FRS2: variants seen among roughly 807,000 people sequenced by gnomAD.
FRS2 encodes the protein FGFR signalling adaptor.
FRS2 carries 8 observed loss-of-function variants against 43.9 expected under a neutral mutation model. The observed-to-expected ratio is 0.18, with a 90% CI of 0.11 to 0.33. The LOEUF (loss-of-function observed/expected upper bound fraction) is 0.33, where lower values mean the gene tolerates loss of function less well. Among genes scored for constraint, FRS2 ranks in the 10% least tolerant of loss-of-function variants. FRS2 has a pLI of 1.00. For synonymous variants in FRS2, 219 were observed against 220.3 expected, an observed-to-expected ratio of 0.99 and a Z score of 0.05; for missense variants, 534 against 627.6, an observed-to-expected ratio of 0.85 and a Z score of 1.59.
At chr12:69,540,225 C>A (rs1213312443) in intron 3 of FRS2, among the ~76,000 whole-genome samples, 1 of 151,578 alleles carries the variant, frequency 6.6e-6, no homozygotes, top group Non-Finnish European at 1.5e-5. Flanking sequence ...TGCACTCCAG[C>A]CTGGACGACA....
At chr12:69,549,449 A>C (rs1878685046) in intron 3 of FRS2, among the ~76,000 whole-genome samples, 1 of 152,196 alleles carries the variant, frequency 6.6e-6, no homozygotes, top group Admixed American at 6.5e-5. Context: ...AAAAAAGCTC[A>C]AATCATCACG....
chr12:69,498,648 A>C (rs1873144398), intron 1 of FRS2, among the ~76,000 whole-genome samples: 1 of 151,978 alleles, frequency 6.6e-6, no homozygotes, highest in South Asian at 2.1e-4. Flanking sequence ...TGGCCCAGGG[A>C]AGCCAAAAGA....
intron 1 of FRS2, among the ~76,000 whole-genome samples, chr12:69,525,493 A>G (rs1592989763): frequency 6.6e-6 from 1 of 152,204 alleles, no homozygotes; most frequent in African/African-American, 2.4e-5. Context: ...TTTCAAAACC[A>G]TGCAGACCTT....
At chr12:69,551,801 A>G (rs895372266) in intron 3 of FRS2, among the ~76,000 whole-genome samples, 29 of 152,148 alleles carry the variant, frequency 1.9e-4, no homozygotes, top group African/African-American at 6.3e-4. Flanking sequence ...GGGAAGGAGT[A>G]AAGAAAAGAT....
intron 1 of FRS2, among the ~76,000 whole-genome samples, chr12:69,514,370 A>G (rs1165051475): frequency 2.6e-5 from 4 of 152,108 alleles, no homozygotes; most frequent in Non-Finnish European, 5.9e-5. Context: ...CCTCTGCCCC[A>G]GACTTGACCT....
chr12:69,487,570 G>A (rs1872070678), intron 1 of FRS2, among the ~76,000 whole-genome samples: 1 of 152,202 alleles, frequency 6.6e-6, no homozygotes, highest in Admixed American at 6.5e-5. Flanking sequence ...CAAGAGCTGT[G>A]ATGGGGATGT....
In FRS2 at chr12:69,515,530, A is replaced by C. The variant is rs371666331; in HGVS notation, c.-260-15335A>C. Reference sequence around the variant, plus strand: ...AAGGAGAGGGGATATAGAGTGACCGAGACTGAGGGAGGAAGGGAAAAACAT... The same window carrying C: ...AAGGAGAGGGGATATAGAGTGACCGCGACTGAGGGAGGAAGGGAAAAACAT... On this transcript the variant is annotated intron_variant, in intron 1 of 8. Transcript: ENST00000549921. Among the ~76,000 whole-genome samples the C allele has an allele frequency of 2.6e-4, 39 of 152,256 alleles. No individual in the cohort carries two copies. In the South Asian group the frequency reaches 6.0e-3, roughly 23 times the overall value.
At chr12:69,552,301 T>TC (rs1565768567) in intron 3 of FRS2, among the ~76,000 whole-genome samples, 13 of 11,090 alleles carry the variant, frequency 1.2e-3, no homozygotes, top group African/African-American at 2.7e-3. Flanking sequence ...AAACTCCGTC[T>TC]CAAAAAAAAA....
At chr12:69,547,235 G>A (rs573374) in intron 3 of FRS2, among the ~76,000 whole-genome samples, 14,222 of 152,198 alleles carry the variant, frequency 0.093, 874 homozygotes, top group Non-Finnish European at 0.14. Context: ...TTTAACGGCC[G>A]TGGAGTTTCA....
At chr12:69,562,437 A>G (rs982227187) in intron 4 of FRS2, among the ~76,000 whole-genome samples, 163 bp downstream of exon 4, 9 of 152,120 alleles carry the variant, frequency 5.9e-5, no homozygotes, top group African/African-American at 2.2e-4. Flanking sequence ...TGTTAGGATT[A>G]CAGGCGTGAG....
At chr12:69,556,662 G>T (rs1460998204) in intron 3 of FRS2, among the ~76,000 whole-genome samples, 1 of 152,106 alleles carries the variant, frequency 6.6e-6, no homozygotes, top group Middle Eastern at 3.2e-3. Flanking sequence ...TGTTTATTTA[G>T]TTCTAGGTTA....
chr12:69,479,820 T>A (rs1871203026), intron 1 of FRS2, among the ~76,000 whole-genome samples: 1 of 152,346 alleles, frequency 6.6e-6, no homozygotes, highest in South Asian at 2.1e-4. Flanking sequence ...AACTAGGTTT[T>A]CAAATCTGAA....
intron 3 of FRS2, among the ~76,000 whole-genome samples, chr12:69,552,954 G>GACTT: frequency 6.6e-6 from 1 of 152,012 alleles, no homozygotes; most frequent in Admixed American, 6.5e-5. Context: ...GTGGTTCTAG[G>GACTT]ACTTACTGTA....
chr12:69,574,271 A>G lies in FRS2; in HGVS notation c.843A>G (p.Ala281=). The G allele has an allele frequency of 6.2e-7, 1 of 1,614,234 alleles. No homozygotes were observed. Among genetic ancestry groups the G allele is most frequent in the Non-Finnish European group, 8.5e-7 (1 of 1,180,026 alleles). ...GAGATCAAGTTAGTGGAAGTGGAGC[A>G]AATAACACAGAATGGGACACTGGCT... ...LGRDQVSGSG[A]NNTEWDTGYD... is the part of the protein sequence containing the mutation. The change falls in exon 9 of 9, where the codon GCA becomes GCG. Residue 281 remains alanine (A), a synonymous_variant. Transcript: ENST00000549921.
chr12:69,546,882 C>G (rs1040450184), intron 3 of FRS2, among the ~76,000 whole-genome samples: 6 of 151,966 alleles, frequency 3.9e-5, no homozygotes, highest in Non-Finnish European at 7.4e-5. Flanking sequence ...CTGAGTATAC[C>G]CAAAAGAACT....
intron 5 of FRS2, among the ~76,000 whole-genome samples, chr12:69,570,119 G>A (rs1428437025): frequency 6.6e-6 from 1 of 152,120 alleles, no homozygotes; most frequent in Admixed American, 6.5e-5. Context: ...CACTTTTGTG[G>A]TATTGACTTT....
intron 1 of FRS2, among the ~76,000 whole-genome samples, chr12:69,480,036 T>TTC (rs1267517381): frequency 6.6e-6 from 1 of 152,224 alleles, no homozygotes; most frequent in African/African-American, 2.4e-5. Flanking sequence ...AGTTAGCTAC[T>TTC]TCTCTCTTCA....
At chr12:69,520,106 G>A (rs537451052) in intron 1 of FRS2, among the ~76,000 whole-genome samples, 13 of 152,170 alleles carry the variant, frequency 8.5e-5, no homozygotes, top group Non-Finnish European at 1.6e-4. Flanking sequence ...CATTCTGACT[G>A]GTGCGAGATG....
At chr12:69,559,974 C>T (rs1879746979) in intron 3 of FRS2, among the ~76,000 whole-genome samples, 1 of 152,104 alleles carries the variant, frequency 6.6e-6, no homozygotes, top group Admixed American at 6.5e-5. Flanking sequence ...AAGCCAAATT[C>T]CCCCTCATTG....
Sources: allele counts gnomAD v4.1 joint callset (sites outside exome capture counted in the v4.1 genomes callset), GRCh38; gene constraint gnomAD v4.1.1; transcripts MANE v1.5; gene names NCBI Gene and HGNC (gene_info 2026-07-23, HGNC 2026-07-21).